The following PSMD1 variants were observed in gnomAD, a reference collection of about 807,000 sequenced individuals.
The protein encoded by PSMD1 is proteasome 26S subunit, non-ATPase 1.
In PSMD1, 18 loss-of-function variants were observed where a neutral mutation model predicts 119.0. The ratio of observed to expected loss-of-function variants is 0.15; its 90% CI spans 0.10 to 0.22. The LOEUF (loss-of-function observed/expected upper bound fraction) is 0.22, where lower values mean the gene tolerates loss of function less well. Ranked by LOEUF, PSMD1 falls within the 10% of genes least tolerant of loss-of-function variation. The probability of loss-of-function intolerance (pLI) is 1.00; values close to 1 mark genes in which losing one functional copy is unlikely to be tolerated. For synonymous variants in PSMD1, 374 were observed against 396.6 expected (o/e 0.94, Z 0.68); for missense variants, 702 against 1,158.5 (o/e 0.61, Z 5.72).
chr2:231,113,710 T>A, intron 16 of PSMD1: 2 of 1,605,226 alleles, frequency 1.2e-6, no homozygotes, highest in Non-Finnish European at 1.7e-6. Context: ...CCACCCACAC[T>A]CTGGCATTCT....
intron 17 of PSMD1, among the ~76,000 whole-genome samples, chr2:231,141,049 T>A (rs1260524799): frequency 6.6e-6 from 1 of 152,184 alleles, no homozygotes; most frequent in East Asian, 1.9e-4. Context: ...GGCTCACACC[T>A]GTAATCCCAG....
At chr2:231,083,093 G>A (rs1316228743) in intron 13 of PSMD1, 99 bp downstream of exon 13, 54 of 908,186 alleles carry the variant, frequency 5.9e-5, no homozygotes, top group East Asian at 1.9e-4. Flanking sequence ...TTAAAATTCC[G>A]ATGGATTTCT....
intron 17 of PSMD1, among the ~76,000 whole-genome samples, chr2:231,144,418 A>ATTTTTTTT (rs751682132): frequency 2.2e-3 from 162 of 75,204 alleles, no homozygotes; most frequent in Non-Finnish European, 3.0e-3. Flanking sequence ...CGCCCAGCTA[A>ATTTTTTTT]TTTTTTTTTT....
intron 16 of PSMD1, among the ~76,000 whole-genome samples, chr2:231,135,525 C>T (rs1217262668): frequency 6.6e-6 from 1 of 152,090 alleles, no homozygotes; most frequent in Non-Finnish European, 1.5e-5. Context: ...ATGGTTCCCT[C>T]TTATATAACT....
At position 231,081,301 on chromosome 2, in the gene PSMD1, C is replaced by CA. The variant is rs373124448; in HGVS notation, c.1413+994dup. 6.3e-3 allele frequency among the ~76,000 whole-genome samples: 954 copies of CA among 151,838 alleles called. 10 individuals carry two copies. Among genetic ancestry groups the CA allele is most frequent in the African/African-American group, 0.022 (912 of 41,376 alleles). ...TCTTATCAGATAGGGTTTATGGTTACAAAAAAACAAAACAAAACAAAACAA... is the reference window on the plus strand; with the variant it reads ...TCTTATCAGATAGGGTTTATGGTTACAAAAAAAACAAAACAAAACAAAACAA... On this transcript the variant is annotated intron_variant, in intron 12 of 24. Coordinates refer to ENST00000308696, the MANE Select transcript of PSMD1 (RefSeq NM_002807.4).
chr2:231,088,498 G>A (rs1352703455), intron 16 of PSMD1, among the ~76,000 whole-genome samples: 1 of 152,106 alleles, frequency 6.6e-6, no homozygotes, highest in Non-Finnish European at 1.5e-5. Flanking sequence ...TCACATTTTG[G>A]TAATCCTCAC....
intron 18 of PSMD1, among the ~76,000 whole-genome samples, chr2:231,150,189 CA>C (rs201310658): frequency 1.3e-5 from 2 of 151,330 alleles, no homozygotes; most frequent in African/African-American, 2.4e-5. Context: ...ACTAAAAATA[CA>C]AAAAAAATTA....
At chr2:231,100,161 A>T in intron 16 of PSMD1, among the ~76,000 whole-genome samples, 1 of 152,138 alleles carries the variant, frequency 6.6e-6, no homozygotes, top group East Asian at 1.9e-4. Context: ...CGAGCCCCCA[A>T]ATTGTTACAT....
At chr2:231,061,204 G>C (rs1693749097) in intron 1 of PSMD1, 63 bp from the exon 2 acceptor site, 4 of 1,301,396 alleles carry the variant, frequency 3.1e-6, no homozygotes, top group Non-Finnish European at 4.4e-6. Flanking sequence ...TTTTTGACCA[G>C]GTGTTAATTT....
At chr2:231,077,254 CTTTAT>C (rs1221055644) in intron 9 of PSMD1, 92 bp downstream of exon 9, 10 of 960,142 alleles carry the variant, frequency 1.0e-5, no homozygotes, top group African/African-American at 5.2e-5. Context: ...TGGATACTTT[CTTTAT>C]TTTATTTCCA....
At chr2:231,101,309 T>G (rs539231412) in intron 16 of PSMD1, among the ~76,000 whole-genome samples, 1 of 152,282 alleles carries the variant, frequency 6.6e-6, no homozygotes, top group East Asian at 1.9e-4. Flanking sequence ...TTTAACTGCC[T>G]TTAGCTAAAT....
At chr2:231,062,187 T>C in intron 2 of PSMD1, 61 bp from the exon 3 acceptor site, 2 of 1,135,760 alleles carry the variant, frequency 1.8e-6, no homozygotes, top group South Asian at 2.7e-5. Context: ...CTGAAAAGAA[T>C]TTTTTAAGGA....
intron 2 of PSMD1, among the ~76,000 whole-genome samples, 188 bp downstream of exon 2, chr2:231,061,498 C>T (rs748548082): frequency 1.3e-5 from 2 of 152,194 alleles, no homozygotes; most frequent in African/African-American, 2.4e-5. Context: ...TTTAACAAAG[C>T]TAAGACAAAT....
chr2:231,064,457 T>C (rs1374463092), intron 4 of PSMD1, among the ~76,000 whole-genome samples: 1 of 152,220 alleles, frequency 6.6e-6, no homozygotes, highest in African/African-American at 2.4e-5. Flanking sequence ...ATTTGAAACC[T>C]GGGACATACA....
At chr2:231,093,100 G>A (rs908855921) in intron 16 of PSMD1, among the ~76,000 whole-genome samples, 1 of 152,146 alleles carries the variant, frequency 6.6e-6, no homozygotes, top group Non-Finnish European at 1.5e-5. Flanking sequence ...CAAGTAACAG[G>A]GCAAAAGAAA....
At chr2:231,120,483 T>G (rs1695501026) in intron 16 of PSMD1, among the ~76,000 whole-genome samples, 1 of 152,202 alleles carries the variant, frequency 6.6e-6, no homozygotes, top group Non-Finnish European at 1.5e-5. Context: ...TCAAGTCCAG[T>G]GCTCCCAGAT....
In PSMD1 at chr2:231,091,956, G is replaced by T. The variant is rs374475932; in HGVS notation, c.1883+4775G>T. On this transcript the variant is annotated intron_variant, in intron 16 of 24. Transcript: ENST00000308696. Reference sequence around the variant, plus strand: ...CTGTATATTCTAAGGCAGCCTCAGGGGCTTGCAGGCGTGCAAGAATCTTTT... The same window carrying T: ...CTGTATATTCTAAGGCAGCCTCAGGTGCTTGCAGGCGTGCAAGAATCTTTT... Among the ~76,000 whole-genome samples, 10 of 152,236 alleles carry T rather than the reference G, an allele frequency of 6.6e-5. No homozygotes were observed. In the East Asian group the frequency reaches 1.9e-3, roughly 29 times the overall value.
chr2:231,144,418 A>ATTT lies in PSMD1; in HGVS notation c.1999-1792_1999-1790dup, dbSNP rs751682132. Among the ~76,000 whole-genome samples, 202 of 75,176 alleles carry ATTT rather than the reference A, an allele frequency of 2.7e-3. 1 individual carries two copies. The highest frequency in any genetic ancestry group is 3.3e-3 in the African/African-American group (59 of 18,036). 49.3% of individuals were successfully genotyped at this position (75,176 alleles called of 152,430 possible). On this transcript the variant is annotated intron_variant, in intron 17 of 24. Transcript: ENST00000308696. Reference sequence around the variant, plus strand: ...AGGCACCCGCCACCACGCCCAGCTAATTTTTTTTTTTTTTTTTTTTTTTTT... The same window carrying ATTT: ...AGGCACCCGCCACCACGCCCAGCTAATTTTTTTTTTTTTTTTTTTTTTTTTTTT...
chr2:231,146,390 T>C (rs753504137), intron 18 of PSMD1, 34 bp downstream of exon 18: 4 of 1,511,688 alleles, frequency 2.6e-6, no homozygotes, highest in South Asian at 1.1e-5. Context: ...GGAAGAGAGA[T>C]GGTTTGGTCT....
Sources: gnomAD v4.1 joint callset for allele counts (sites outside exome capture counted in the v4.1 genomes callset) on GRCh38, gnomAD v4.1.1 for gene constraint, MANE v1.5 for transcripts, NCBI Gene and HGNC (gene_info 2026-07-23, HGNC 2026-07-21) for gene names.